STARD13: variants seen among roughly 807,000 people sequenced by gnomAD.
STARD13 encodes StAR related lipid transfer domain containing 13, also known as stAR-related lipid transfer protein 13.
STARD13 carries 62 observed loss-of-function variants against 106.4 expected under a neutral mutation model. The ratio of observed to expected loss-of-function variants is 0.58; its 90% CI spans 0.48 to 0.72. STARD13 has a LOEUF of 0.72. Ranked by LOEUF, STARD13 falls within the 30% of genes least tolerant of loss-of-function variation. STARD13 has a pLI of 0.00. For synonymous variants in STARD13, 565 were observed against 553.0 expected (o/e 1.02, Z -0.31); for missense variants, 1,387 against 1,424.0 (o/e 0.97, Z 0.42).
intron 1 of STARD13, among the ~76,000 whole-genome samples, chr13:33,331,092 G>A (rs2077830513): frequency 6.6e-6 from 1 of 151,952 alleles, no homozygotes; most frequent in Non-Finnish European, 1.5e-5. Flanking sequence ...GAGCACCAAA[G>A]GATGAGCTTT....
chr13:33,277,702 A>T lies in STARD13; in HGVS notation c.169+7768T>A, dbSNP rs150414124. On this transcript the variant is annotated intron_variant, in intron 1 of 13. Transcript: ENST00000336934. ...AGGACTTCAACTACATTATGGTAAG[A>T]CAAAGCCAGAGCTAGAAGGCAATAA... 4.6e-5 allele frequency: 7 copies of T among 152,320 alleles called. No individual in the cohort carries two copies. In the East Asian group the frequency reaches 1.4e-3, roughly 29 times the overall value. The allele number at this position is 152,320 out of a possible 1,614,324, so 9.4% of individuals were successfully genotyped here.
chr13:33,396,059 C>T, the STARD13 span, among the ~76,000 whole-genome samples: 3 of 151,970 alleles, frequency 2.0e-5, no homozygotes, highest in Non-Finnish European at 4.4e-5. Context: ...ACTGTGTTGA[C>T]CAGGATTGGT....
chr13:33,572,974 C>A, the STARD13 span, among the ~76,000 whole-genome samples: 1 of 152,128 alleles, frequency 6.6e-6, no homozygotes, highest in Non-Finnish European at 1.5e-5. Context: ...AACTTTAATG[C>A]ACAAGATGAC....
chr13:33,452,303 C>T, the STARD13 span, among the ~76,000 whole-genome samples: 3 of 151,486 alleles, frequency 2.0e-5, no homozygotes, highest in African/African-American at 7.3e-5. Context: ...GGTATGAAGG[C>T]CAGATAAGGA....
chr13:33,127,750 A>G (rs1877429365), intron 5 of STARD13, among the ~76,000 whole-genome samples: 1 of 152,220 alleles, frequency 6.6e-6, no homozygotes, highest in South Asian at 2.1e-4. Flanking sequence ...AAAAAGTCTT[A>G]TTATCCATTT....
At chr13:33,171,047 A>G (rs1457946623) in intron 1 of STARD13, among the ~76,000 whole-genome samples, 1 of 152,238 alleles carries the variant, frequency 6.6e-6, no homozygotes, top group Non-Finnish European at 1.5e-5. Context: ...TGCCAGTGCC[A>G]TCATTTCACA....
At chr13:33,498,219 C>T in the STARD13 span, among the ~76,000 whole-genome samples, 705 of 152,264 alleles carry the variant, frequency 4.6e-3, 8 homozygotes, top group South Asian at 0.018. Context: ...CACAGCATGA[C>T]AACTGATAAC....
At chr13:33,553,438 A>C in the STARD13 span, among the ~76,000 whole-genome samples, 1 of 152,004 alleles carries the variant, frequency 6.6e-6, no homozygotes, top group Non-Finnish European at 1.5e-5. Context: ...AATAGTGTGA[A>C]TATAAGTATA....
the STARD13 span, among the ~76,000 whole-genome samples, chr13:33,358,382 T>C: frequency 2.6e-5 from 4 of 152,334 alleles, no homozygotes; most frequent in South Asian, 8.3e-4. Flanking sequence ...GGCACAGGAC[T>C]GGCAGGCAGC....
chr13:33,325,990 A>C (rs868217465), intron 1 of STARD13, among the ~76,000 whole-genome samples: 2,239 of 149,708 alleles, frequency 0.015, 63 homozygotes, highest in African/African-American at 0.051. Flanking sequence ...GTTTAAAAAA[A>C]AAAAAAAAAA....
chr13:33,132,808 T>G (rs1263231176), intron 4 of STARD13, among the ~76,000 whole-genome samples: 2 of 152,224 alleles, frequency 1.3e-5, no homozygotes, highest in African/African-American at 4.8e-5. Context: ...AAGTTGTAAT[T>G]GTACAAGTGG....
Position 33,118,221 on chromosome 13 carries a change from C to G in STARD13, c.2125G>C (p.Ala709Pro). Residue 709 changes from alanine to proline, a missense_variant, in exon 8 of 14, where the codon GCC (alanine) becomes CCC (proline). By Grantham distance (27) the Ala-to-Pro change is conservative. Transcript: ENST00000336934. ...RKSGVKSRIH[A>P]LRQMNENFPE... is the part of the protein sequence containing the mutation. ...AAGTTTTCATTCATTTGGCGAAGGG[C>G]ATGGATTCGAGACTTCACTCCTGAT... 6.2e-7 allele frequency: 1 copy of G among 1,614,142 alleles called. No individual in the cohort carries two copies. The highest frequency in any genetic ancestry group is 8.5e-7 in the Non-Finnish European group (1 of 1,180,034).
the STARD13 span, among the ~76,000 whole-genome samples, chr13:33,560,493 G>C: frequency 1.1e-4 from 16 of 151,360 alleles, 1 homozygote; most frequent in East Asian, 1.4e-3. Context: ...CATAGGAAAT[G>C]CCACCTCAAA....
At chr13:33,257,366 G>A (rs1407684258) in intron 1 of STARD13, among the ~76,000 whole-genome samples, 2 of 152,158 alleles carry the variant, frequency 1.3e-5, no homozygotes, top group Non-Finnish European at 2.9e-5. Flanking sequence ...CAAGTAGAAG[G>A]GGTCAGCAAC....
intron 3 of STARD13, chr13:33,164,045 T>C (rs1883055152): frequency 6.6e-6 from 1 of 152,062 alleles, no homozygotes. Flanking sequence ...AAATCATCCA[T>C]TCACTTCATA....
chr13:33,109,730 A>G (rs1033087303), intron 12 of STARD13, 143 bp downstream of exon 12: 3 of 725,556 alleles, frequency 4.1e-6, no homozygotes, highest in Non-Finnish European at 6.9e-6. Flanking sequence ...GAAAACTCAG[A>G]TGTCACTGAG....
intron 1 of STARD13, 127 bp downstream of exon 1, chr13:33,285,343 G>T: frequency 2.0e-6 from 2 of 999,246 alleles, no homozygotes; most frequent in East Asian, 4.9e-5. Flanking sequence ...TCAAAGTTAC[G>T]GGTAGTGTGG....
the STARD13 span, among the ~76,000 whole-genome samples, chr13:33,672,090 C>A: frequency 3.3e-5 from 5 of 152,068 alleles, no homozygotes; most frequent in Non-Finnish European, 5.9e-5. Flanking sequence ...CAGCACTGTT[C>A]ACAATATCAA....
chr13:33,241,583 G>A (rs535585026), intron 1 of STARD13, among the ~76,000 whole-genome samples: 2 of 121,908 alleles, frequency 1.6e-5, no homozygotes, highest in East Asian at 4.8e-4. Context: ...GTCTCCCTCT[G>A]ATGCCGAGCC....
Sources: gnomAD v4.1 joint callset for allele counts (sites outside exome capture counted in the v4.1 genomes callset) on GRCh38, gnomAD v4.1.1 for gene constraint, MANE v1.5 for transcripts, NCBI Gene and HGNC (gene_info 2026-07-23, HGNC 2026-07-21) for gene names.